Variants in OSBPL9 observed in about 807,000 individuals in gnomAD.
The protein encoded by OSBPL9 is oxysterol-binding protein-related protein 9.
OSBPL9 carries 40 observed loss-of-function variants against 106.6 expected under a neutral mutation model. The observed-to-expected ratio is 0.38, with a 90% CI of 0.29 to 0.49. OSBPL9 has a LOEUF of 0.49. Among genes scored for constraint, OSBPL9 ranks in the 20% least tolerant of loss-of-function variants. The pLI is 0.97. For missense variants in OSBPL9, 609 were observed against 887.2 expected (o/e 0.69, Z 3.98); for synonymous variants, 269 against 295.4 (o/e 0.91, Z 0.92).
intron 3 of OSBPL9, among the ~76,000 whole-genome samples, chr1:51,708,749 T>A (rs1659173279): frequency 6.6e-6 from 1 of 152,192 alleles, no homozygotes; most frequent in African/African-American, 2.4e-5. Context: ...ATCTTTATTA[T>A]TGGATTTTTT....
At chr1:51,753,849 T>C (rs1168521746) in intron 8 of OSBPL9, among the ~76,000 whole-genome samples, 2 of 152,242 alleles carry the variant, frequency 1.3e-5, no homozygotes, top group African/African-American at 4.8e-5. Context: ...TCAGTTCTGA[T>C]TCCTGGCTCC....
At chr1:51,680,271 G>C (rs1557680431) in intron 3 of OSBPL9, among the ~76,000 whole-genome samples, 1 of 151,176 alleles carries the variant, frequency 6.6e-6, no homozygotes, top group Non-Finnish European at 1.5e-5. Context: ...AAAAAATTTT[G>C]AGTCATTCTG....
chr1:51,692,493 C>T (rs1435549624), intron 3 of OSBPL9, among the ~76,000 whole-genome samples: 1 of 152,142 alleles, frequency 6.6e-6, no homozygotes, highest in Non-Finnish European at 1.5e-5. Context: ...CACAAACGCC[C>T]TGCAAAGTTA....
At chr1:51,780,435 C>G (rs1312599651) in intron 15 of OSBPL9, among the ~76,000 whole-genome samples, 1 of 152,132 alleles carries the variant, frequency 6.6e-6, no homozygotes, top group South Asian at 2.1e-4. Flanking sequence ...TATAGCAGCA[C>G]AATTTGCAAT....
intron 1 of OSBPL9, among the ~76,000 whole-genome samples, chr1:51,589,762 G>A (rs1017033668): frequency 1.3e-5 from 2 of 149,596 alleles, no homozygotes; most frequent in African/African-American, 4.9e-5. Context: ...GGCCGGGCAT[G>A]GTGGCTTATG....
chr1:51,551,103 A>G, the OSBPL9 span, among the ~76,000 whole-genome samples: 1 of 152,194 alleles, frequency 6.6e-6, no homozygotes, highest in Admixed American at 6.6e-5. Flanking sequence ...CACAGAGCAA[A>G]GGGAGCGGGA....
chr1:51,753,220 A>C (rs912405798), intron 8 of OSBPL9, among the ~76,000 whole-genome samples: 1 of 152,212 alleles, frequency 6.6e-6, no homozygotes, highest in Non-Finnish European at 1.5e-5. Context: ...GCATAGTCTT[A>C]AAGAGCGTGG....
chr1:51,691,428 C>T (rs1433464659), intron 3 of OSBPL9, among the ~76,000 whole-genome samples: 5 of 151,552 alleles, frequency 3.3e-5, no homozygotes, highest in African/African-American at 9.7e-5. Flanking sequence ...TACAGGCGAG[C>T]GCCACCATGC....
At chr1:51,551,847 C>G in the OSBPL9 span, among the ~76,000 whole-genome samples, 1 of 152,020 alleles carries the variant, frequency 6.6e-6, no homozygotes, top group Non-Finnish European at 1.5e-5. Context: ...CCTACCTCAG[C>G]CTTCCAGAGT....
intron 1 of OSBPL9, among the ~76,000 whole-genome samples, chr1:51,648,424 A>G (rs956730534): frequency 6.6e-6 from 1 of 152,192 alleles, no homozygotes. Context: ...AAGAGCAGAT[A>G]GGAGGGAGCT....
At position 51,781,295 on chromosome 1, in the gene OSBPL9, A is replaced by G. The variant is rs753135895; in HGVS notation, c.1388A>G (p.Gln463Arg). The G allele has an allele frequency of 1.7e-5, 27 of 1,614,098 alleles. No individual in the cohort carries two copies. The highest frequency in any genetic ancestry group is 2.3e-5 in the Non-Finnish European group (27 of 1,180,034). Residue 463 changes from glutamine (Q) to arginine (R), a missense_variant, in exon 16 of 24, where the codon CAG (glutamine) becomes CGG (arginine). Around this residue, in one of 5 missense-constraint regions of OSBPL9, gnomAD observed 356 missense variants for 505.8 expected, o/e 0.70. Coordinates refer to ENST00000428468, the MANE Select transcript of OSBPL9 (RefSeq NM_024586.6). ...AATCCCATTTTGGGCGAGATTTTTC[A>G]GTGTCATTGGACATTACCAAATGAT... ...PYNPILGEIF[Q>R]CHWTLPNDTE...
At chr1:51,786,651 C>T in intron 22 of OSBPL9, 34 bp downstream of exon 22, 4 of 1,563,094 alleles carry the variant, frequency 2.6e-6, no homozygotes, top group South Asian at 2.2e-5. Context: ...ACTATTGCTG[C>T]AGTGCTTAAA....
intron 5 of OSBPL9, among the ~76,000 whole-genome samples, chr1:51,746,293 G>C (rs1667964529): frequency 6.6e-6 from 1 of 152,134 alleles, no homozygotes; most frequent in Non-Finnish European, 1.5e-5. Flanking sequence ...GGAATATGGG[G>C]AGGTGATTTC....
chr1:51,563,601 A>G, the OSBPL9 span: 3 of 152,116 alleles, frequency 2.0e-5, no homozygotes, highest in African/African-American at 7.2e-5. Context: ...TCTCACACCC[A>G]TTGGAAAGAG....
rs1429377578 is a variant in OSBPL9 at position 51,730,244 on chromosome 1, C to CA, written c.319-15289dup. ...GTTCCACCGAGAGGGCATTCGCCCCCAAATGAGACTTTGGAGGAGGTCTCT... is the reference window on the plus strand; with the variant it reads ...GTTCCACCGAGAGGGCATTCGCCCCCAAAATGAGACTTTGGAGGAGGTCTCT... On this transcript the variant is annotated intron_variant, in intron 4 of 23. Coordinates refer to ENST00000428468, the MANE Select transcript of OSBPL9 (RefSeq NM_024586.6). The CA allele has an allele frequency of 6.1e-5, 61 of 1,006,556 alleles. 2 individuals carry two copies. In the South Asian group the frequency reaches 2.6e-3, roughly 43 times the overall value. The allele number at this position is 1,006,556 out of a possible 1,614,324, so 62.4% of individuals were successfully genotyped here.
intron 3 of OSBPL9, among the ~76,000 whole-genome samples, chr1:51,678,890 T>C (rs1651905877): frequency 6.6e-6 from 1 of 152,214 alleles, no homozygotes; most frequent in African/African-American, 2.4e-5. Flanking sequence ...TCTTCTGCTA[T>C]CTCAACACTA....
At chr1:51,775,167 T>A (rs1299856837) in intron 14 of OSBPL9, among the ~76,000 whole-genome samples, 1 of 152,212 alleles carries the variant, frequency 6.6e-6, no homozygotes, top group Non-Finnish European at 1.5e-5. Context: ...GAAAAATGTT[T>A]ACCTAAAATT....
At chr1:51,591,965 C>T (rs1009250353) in intron 1 of OSBPL9, among the ~76,000 whole-genome samples, 3 of 152,122 alleles carry the variant, frequency 2.0e-5, no homozygotes, top group Non-Finnish European at 4.4e-5. Context: ...CCTGGACCCC[C>T]GTAGCCAACC....
Position 51,598,731 on chromosome 1 carries a change from C to T in OSBPL9, c.-353+538C>T, listed in dbSNP as rs112506365. ...GACATGGGCTGGGCACGGTGGCTCACGCCTGTAATCCTAGCACTTTGGGAG... is the reference window on the plus strand; with the variant it reads ...GACATGGGCTGGGCACGGTGGCTCATGCCTGTAATCCTAGCACTTTGGGAG... On this transcript the variant is annotated intron_variant, in intron 2 of 25. Coordinates refer to the OSBPL9 transcript ENST00000371714. Among the ~76,000 whole-genome samples, 1,016 of 152,240 alleles carry T rather than the reference C, an allele frequency of 6.7e-3. 4 individuals are homozygous for T. Among genetic ancestry groups the T allele is most frequent in the Middle Eastern group, 0.01 (3 of 294 alleles).
Sources: allele counts gnomAD v4.1 joint callset (sites outside exome capture counted in the v4.1 genomes callset), GRCh38; gene constraint gnomAD v4.1.1; regional missense constraint gnomAD v4.1.1; transcripts MANE v1.5; gene names NCBI Gene and HGNC (gene_info 2026-07-23, HGNC 2026-07-21).